Variants in CDH13 observed in about 807,000 individuals in gnomAD.
CDH13 encodes cadherin 13, also known as cadherin-13.
CDH13 carries 24 observed loss-of-function variants against 63.8 expected under a neutral mutation model. The ratio of observed to expected loss-of-function variants is 0.38; its 90% CI spans 0.27 to 0.53. The LOEUF is 0.53. Ranked by LOEUF, CDH13 falls within the 20% of genes least tolerant of loss-of-function variation. CDH13 has a pLI of 0.85. For missense variants in CDH13, 1,049 were observed against 903.1 expected, an observed-to-expected ratio of 1.16 and a Z score of -2.07; for synonymous variants, 503 against 355.3, an observed-to-expected ratio of 1.42 and a Z score of -4.67.
chr16:83,184,089 AACACACACACACACAC>A (rs10656475), intron 4 of CDH13, among the ~76,000 whole-genome samples: 1 of 131,560 alleles, frequency 7.6e-6, no homozygotes, highest in African/African-American at 2.9e-5. Context: ...CTAGAGGTTA[AACACACACACACACAC>A]ACACACACAC....
chr16:83,166,592 T>C (rs1430778650), intron 4 of CDH13, among the ~76,000 whole-genome samples: 2 of 152,142 alleles, frequency 1.3e-5, no homozygotes, highest in Non-Finnish European at 2.9e-5. Flanking sequence ...TTTATGTGGT[T>C]GGGACAGCAG....
chr16:82,976,074 A>G (rs1320959266), intron 2 of CDH13, among the ~76,000 whole-genome samples: 2 of 152,240 alleles, frequency 1.3e-5, no homozygotes, highest in Non-Finnish European at 1.5e-5. Flanking sequence ...CAAAGCAAAG[A>G]AGAAATGCAA....
chr16:83,304,343 T>G (rs576590931), intron 5 of CDH13, among the ~76,000 whole-genome samples: 1 of 152,124 alleles, frequency 6.6e-6, no homozygotes, highest in Non-Finnish European at 1.5e-5. Flanking sequence ...GAAAAAAGAC[T>G]GTGTTGGTAA....
At chr16:83,707,392 A>C (rs1374137906) in intron 10 of CDH13, among the ~76,000 whole-genome samples, 2 of 152,112 alleles carry the variant, frequency 1.3e-5, no homozygotes, top group East Asian at 3.9e-4. Flanking sequence ...GCTTTATCCA[A>C]ACATTTCCAA....
At chr16:82,798,033 C>G (rs981786004) in intron 1 of CDH13, among the ~76,000 whole-genome samples, 2 of 152,184 alleles carry the variant, frequency 1.3e-5, no homozygotes, top group East Asian at 3.8e-4. Context: ...GAGACACTTT[C>G]TACCCCAGGT....
chr16:82,666,354 C>G (rs1912582067), intron 1 of CDH13, among the ~76,000 whole-genome samples: 1 of 152,204 alleles, frequency 6.6e-6, no homozygotes, highest in African/African-American at 2.4e-5. Context: ...ATCCTACTTT[C>G]AAAGGCAAGG....
chr16:83,193,888 A>T (rs973529545), intron 4 of CDH13, among the ~76,000 whole-genome samples: 1 of 152,226 alleles, frequency 6.6e-6, no homozygotes, highest in Non-Finnish European at 1.5e-5. Flanking sequence ...TAATATAAAA[A>T]CAGAATAGAA....
intron 2 of CDH13, among the ~76,000 whole-genome samples, chr16:82,874,269 C>G (rs931261255): frequency 6.6e-6 from 1 of 152,054 alleles, no homozygotes; most frequent in African/African-American, 2.4e-5. Context: ...TTCAGAATTG[C>G]AGATTGCAGT....
intron 7 of CDH13, among the ~76,000 whole-genome samples, chr16:83,578,158 T>G (rs1199308716): frequency 6.6e-6 from 1 of 152,082 alleles, no homozygotes; most frequent in African/African-American, 2.4e-5. Context: ...CTGCTCAGAG[T>G]ATTATGAGTT....
intron 3 of CDH13, among the ~76,000 whole-genome samples, chr16:83,077,105 T>C (rs565226732): frequency 7.9e-5 from 12 of 151,852 alleles, no homozygotes; most frequent in African/African-American, 2.9e-4. Flanking sequence ...TGAAATCGTA[T>C]GGTATATATA....
chr16:83,304,575 C>T (rs753238310), intron 5 of CDH13, among the ~76,000 whole-genome samples: 2 of 151,968 alleles, frequency 1.3e-5, no homozygotes, highest in East Asian at 1.9e-4. Context: ...TATTTGTCCT[C>T]GATACATATG....
chr16:83,326,300 C>T (rs923218686), intron 5 of CDH13, among the ~76,000 whole-genome samples: 1 of 152,126 alleles, frequency 6.6e-6, no homozygotes, highest in African/African-American at 2.4e-5. Context: ...TTCTTCTATC[C>T]CATCACTATC....
intron 1 of CDH13, among the ~76,000 whole-genome samples, chr16:82,709,000 C>G (rs1013405312): frequency 6.6e-6 from 1 of 152,180 alleles, no homozygotes; most frequent in Middle Eastern, 3.2e-3. Context: ...ATTAGAGATT[C>G]TCATACTTCA....
intron 10 of CDH13, among the ~76,000 whole-genome samples, chr16:83,730,515 AC>A (rs536569291): frequency 1.3e-4 from 20 of 152,376 alleles, no homozygotes; most frequent in Admixed American, 3.9e-4. Flanking sequence ...CTAAACTGTG[AC>A]TTTTTAAAAT....
chr16:83,375,223 T>C (rs980979858), intron 6 of CDH13, among the ~76,000 whole-genome samples: 6 of 152,184 alleles, frequency 3.9e-5, no homozygotes, highest in African/African-American at 1.2e-4. Flanking sequence ...TTACATTACA[T>C]AGAAGGTTGG....
intron 4 of CDH13, among the ~76,000 whole-genome samples, chr16:83,172,801 A>G (rs1440553108): frequency 6.6e-6 from 1 of 152,098 alleles, no homozygotes; most frequent in Non-Finnish European, 1.5e-5. Flanking sequence ...AAAAAAGAAA[A>G]CAAAGAAGGC....
In CDH13 at chr16:82,779,155, T is replaced by G. The variant is rs930424638; in HGVS notation, c.46-79207T>G. Among the ~76,000 whole-genome samples, 4 of 152,230 alleles carry G rather than the reference T, an allele frequency of 2.6e-5. 1 individual carries two copies. Among genetic ancestry groups the G allele is most frequent in the Admixed American group, 1.3e-4 (2 of 15,280 alleles). On this transcript the variant is annotated intron_variant, in intron 1 of 13. Transcript: ENST00000567109. ...TAATAAATACGTAAGTAGCAGTTAC[T>G]GTATGCTAGATATCCTTCTAAGTGC...
At chr16:83,290,385 G>T (rs2089437436) in intron 5 of CDH13, among the ~76,000 whole-genome samples, 1 of 152,034 alleles carries the variant, frequency 6.6e-6, no homozygotes, top group Non-Finnish European at 1.5e-5. Context: ...AATCACGGGG[G>T]GCAGGTTTTT....
intron 1 of CDH13, among the ~76,000 whole-genome samples, chr16:82,667,335 G>C (rs535954948): frequency 5.9e-5 from 9 of 152,220 alleles, no homozygotes; most frequent in Non-Finnish European, 1.3e-4. Context: ...GGCTTGCGAA[G>C]GCGCGTACTG....
Sources: gnomAD v4.1 joint callset for allele counts (sites outside exome capture counted in the v4.1 genomes callset) on GRCh38, gnomAD v4.1.1 for gene constraint, MANE v1.5 for transcripts, NCBI Gene and HGNC (gene_info 2026-07-23, HGNC 2026-07-21) for gene names.